The following ZNF609 variants were observed in gnomAD, a reference collection of about 807,000 sequenced individuals.
ZNF609 encodes the protein zinc finger protein 609.
In ZNF609, 11 loss-of-function variants were observed where a neutral mutation model predicts 109.5. That is an observed-to-expected ratio of 0.10 (90% CI 0.06 to 0.17). The LOEUF (loss-of-function observed/expected upper bound fraction) is 0.17, where lower values mean the gene tolerates loss of function less well. Among genes scored for constraint, ZNF609 ranks in the 10% least tolerant of loss-of-function variants. The probability of loss-of-function intolerance (pLI) is 1.00; values close to 1 mark genes in which losing one functional copy is unlikely to be tolerated. For missense variants in ZNF609, 1,559 were observed against 1,772.4 expected (o/e 0.88, Z 2.16); for synonymous variants, 646 against 662.0 (o/e 0.98, Z 0.37).
At chr15:64,484,652 G>GGCAACA (rs1893305216) in intron 1 of ZNF609, among the ~76,000 whole-genome samples, 1 of 136,364 alleles carries the variant, frequency 7.3e-6, no homozygotes, top group South Asian at 2.3e-4. Flanking sequence ...CTCCAGCCTG[G>GGCAACA]GCAACAGGGT....
intron 1 of ZNF609, among the ~76,000 whole-genome samples, chr15:64,471,152 A>G (rs990454124): frequency 6.6e-6 from 1 of 152,166 alleles, no homozygotes; most frequent in African/African-American, 2.4e-5. Context: ...AGTTGAGGCC[A>G]GGAAGAGACC....
At chr15:64,483,064 G>T (rs1566994925) in intron 1 of ZNF609, among the ~76,000 whole-genome samples, 1 of 151,848 alleles carries the variant, frequency 6.6e-6, no homozygotes, top group Non-Finnish European at 1.5e-5. Flanking sequence ...TAACGAATTT[G>T]ATTACAGTGT....
intron 2 of ZNF609, among the ~76,000 whole-genome samples, chr15:64,591,129 G>T (rs1895288003): frequency 6.6e-6 from 1 of 151,756 alleles, no homozygotes; most frequent in African/African-American, 2.4e-5. Flanking sequence ...GAGCCCAGGA[G>T]TTCAAGACCA....
intron 1 of ZNF609, among the ~76,000 whole-genome samples, chr15:64,463,731 A>G (rs1347912815): frequency 6.6e-6 from 1 of 152,160 alleles, no homozygotes; most frequent in Non-Finnish European, 1.5e-5. Flanking sequence ...TGACCTTTAT[A>G]TATTTTTTGA....
At chr15:64,582,631 C>A (rs1374818497) in intron 2 of ZNF609, among the ~76,000 whole-genome samples, 1 of 151,972 alleles carries the variant, frequency 6.6e-6, no homozygotes, top group East Asian at 1.9e-4. Flanking sequence ...AAAAACTGTT[C>A]TGCCTGTTCT....
chr15:64,575,715 T>A lies in ZNF609; in HGVS notation c.748-47112T>A, dbSNP rs575277992. On this transcript the variant is annotated intron_variant, in intron 2 of 9. Transcript: ENST00000326648. Reference sequence around the variant, plus strand: ...GTTATGAAATTTAAGCAAGGTAAACTTAAAGATAGCCACTTGAATTTTGCC... The same window carrying A: ...GTTATGAAATTTAAGCAAGGTAAACATAAAGATAGCCACTTGAATTTTGCC... Among the ~76,000 whole-genome samples, 5 of 152,326 alleles carry A rather than the reference T, an allele frequency of 3.3e-5. No individual in the cohort carries two copies. In the East Asian group the frequency reaches 7.7e-4, roughly 23 times the overall value.
At position 64,623,055 on chromosome 15, in the gene ZNF609, A is replaced by G; in HGVS notation, c.973+3A>G. ...CGTGTGGCAGGAAACAGAAGATGGTAAGTGTGATATGTGGCTTTCCCCTCC... is the reference window on the plus strand; with the variant it reads ...CGTGTGGCAGGAAACAGAAGATGGTGAGTGTGATATGTGGCTTTCCCCTCC... On this transcript the variant is annotated splice_donor_region_variant and intron_variant, in intron 3 of 9. Transcript: ENST00000326648. 2 of 1,613,892 alleles carry G rather than the reference A, an allele frequency of 1.2e-6. No individual in the cohort carries two copies. The highest frequency in any genetic ancestry group is 1.7e-6 in the Non-Finnish European group (2 of 1,179,760).
chr15:64,491,959 G>T (rs782187), intron 1 of ZNF609, among the ~76,000 whole-genome samples: 128,185 of 152,104 alleles, frequency 0.84, 56,023 homozygotes, highest in East Asian at 0.96. Flanking sequence ...GAGCCACATC[G>T]AGCCAGGCGT....
rs566906245 is a variant in ZNF609 at position 64,645,827 on chromosome 15, T to G, written c.973+22775T>G. Reference sequence around the variant, plus strand: ...AGAGAAATGAACATAAAAACCATGATGAATTACCACTTCATACCTACTAGG... The same window carrying G: ...AGAGAAATGAACATAAAAACCATGAGGAATTACCACTTCATACCTACTAGG... On this transcript the variant is annotated intron_variant, in intron 3 of 9. Transcript: ENST00000326648. 4.6e-5 allele frequency among the ~76,000 whole-genome samples: 7 copies of G among 152,304 alleles called. No individual in the cohort carries two copies. The South Asian group carries it at 6.2e-4, about 14-fold the overall frequency.
intron 2 of ZNF609, among the ~76,000 whole-genome samples, chr15:64,572,397 G>A (rs511204): frequency 0.87 from 131,627 of 152,054 alleles, 58,220 homozygotes; most frequent in Non-Finnish European, 0.95. Context: ...GGAGGCTGAG[G>A]TGGGAGGATC....
intron 1 of ZNF609, among the ~76,000 whole-genome samples, chr15:64,469,736 C>G (rs1297757439): frequency 6.6e-6 from 1 of 151,782 alleles, no homozygotes; most frequent in East Asian, 1.9e-4. Flanking sequence ...CAGAAAGCTG[C>G]AAAAAAGGCT....
intron 3 of ZNF609, among the ~76,000 whole-genome samples, chr15:64,644,321 CA>C (rs1416853995): frequency 2.0e-5 from 3 of 150,300 alleles, no homozygotes; most frequent in East Asian, 2.0e-4. Context: ...CTCATCTCTA[CA>C]AAAAAAAATT....
At chr15:64,468,493 C>A (rs1893046263) in intron 1 of ZNF609, among the ~76,000 whole-genome samples, 1 of 152,042 alleles carries the variant, frequency 6.6e-6, no homozygotes, top group South Asian at 2.1e-4. Flanking sequence ...CTCAAGCCAT[C>A]CTCCCACCTT....
intron 2 of ZNF609, among the ~76,000 whole-genome samples, chr15:64,584,837 C>T (rs1162758068): frequency 6.7e-6 from 1 of 149,690 alleles, no homozygotes; most frequent in Non-Finnish European, 1.5e-5. Context: ...CCATGTTGGC[C>T]AGGATGGTCT....
chr15:64,613,793 C>A (rs1049706639), intron 2 of ZNF609, among the ~76,000 whole-genome samples: 5 of 152,100 alleles, frequency 3.3e-5, no homozygotes, highest in Non-Finnish European at 7.4e-5. Context: ...CGTGATCCTC[C>A]CACCTTGGCC....
chr15:64,464,036 C>G (rs1341251733), intron 1 of ZNF609, among the ~76,000 whole-genome samples: 1 of 152,066 alleles, frequency 6.6e-6, no homozygotes, highest in East Asian at 1.9e-4. Context: ...GGATTCCCCC[C>G]CAACTACCCG....
chr15:64,539,121 A>G (rs1275576490), intron 2 of ZNF609, among the ~76,000 whole-genome samples: 2 of 151,792 alleles, frequency 1.3e-5, no homozygotes, highest in African/African-American at 4.8e-5. Flanking sequence ...CTCCTGCCTC[A>G]ACCTCCCAAG....
At chr15:64,663,762 A>G (rs1199209571) in intron 3 of ZNF609, among the ~76,000 whole-genome samples, 1 of 152,174 alleles carries the variant, frequency 6.6e-6, no homozygotes, top group East Asian at 1.9e-4. Context: ...GAAAGTATGT[A>G]CTAATGGAAA....
chr15:64,625,473 T>A (rs1895937740), intron 3 of ZNF609, among the ~76,000 whole-genome samples: 1 of 151,944 alleles, frequency 6.6e-6, no homozygotes, highest in Non-Finnish European at 1.5e-5. Flanking sequence ...TGAGCCGAGA[T>A]CGCACCATTG....
Sources: allele counts gnomAD v4.1 joint callset (sites outside exome capture counted in the v4.1 genomes callset), GRCh38; gene constraint gnomAD v4.1.1; transcripts MANE v1.5; gene names NCBI Gene and HGNC (gene_info 2026-07-23, HGNC 2026-07-21).